The following HS3ST4 variants were observed in gnomAD, a reference collection of about 807,000 sequenced individuals.
The protein encoded by HS3ST4 is heparan sulfate-glucosamine 3-sulfotransferase 4.
A neutral mutation model predicts 29.2 loss-of-function variants in HS3ST4; 17 were observed. The ratio of observed to expected loss-of-function variants is 0.58; its 90% CI spans 0.40 to 0.87. HS3ST4 has a LOEUF of 0.87. Ranked by LOEUF, HS3ST4 falls within the 40% of genes least tolerant of loss-of-function variation. The pLI is 0.00. For synonymous variants in HS3ST4, 314 were observed against 285.7 expected (o/e 1.10, Z -1.00); for missense variants, 627 against 634.5 (o/e 0.99, Z 0.13).
At chr16:26,079,797 CGA>C (rs1898704351) in intron 1 of HS3ST4, among the ~76,000 whole-genome samples, 1 of 152,152 alleles carries the variant, frequency 6.6e-6, no homozygotes, top group South Asian at 2.1e-4. Flanking sequence ...TCTCTGTTCT[CGA>C]CTCTATTTCA....
intron 1 of HS3ST4, among the ~76,000 whole-genome samples, chr16:25,898,272 C>T (rs144247908): frequency 1.1e-3 from 165 of 152,372 alleles, no homozygotes; most frequent in African/African-American, 3.8e-3. Flanking sequence ...GCTAATGGCA[C>T]TCACATAGTT....
intron 1 of HS3ST4, among the ~76,000 whole-genome samples, chr16:25,959,224 G>A (rs1046448385): frequency 7.2e-5 from 11 of 152,198 alleles, no homozygotes; most frequent in African/African-American, 2.7e-4. Context: ...CGTTCCTCTT[G>A]AGGGGAGGAG....
chr16:25,866,953 C>T (rs1293808429), intron 1 of HS3ST4, among the ~76,000 whole-genome samples: 3 of 152,126 alleles, frequency 2.0e-5, no homozygotes, highest in East Asian at 1.9e-4. Flanking sequence ...CTCTATTTCA[C>T]GGGCCTCTCC....
intron 1 of HS3ST4, among the ~76,000 whole-genome samples, chr16:25,719,651 C>T (rs1966479794): frequency 6.6e-6 from 1 of 152,238 alleles, no homozygotes; most frequent in South Asian, 2.1e-4. Flanking sequence ...CAGTTCTGGG[C>T]ATCATATGCT....
rs1567249517 is a variant in HS3ST4 at position 25,828,300 on chromosome 16, C to CTT, written c.734+135149_734+135150insTT. Among the ~76,000 whole-genome samples, 206 of 56,798 alleles carry CTT rather than the reference C, an allele frequency of 3.6e-3. 6 individuals carry two copies. The highest frequency in any genetic ancestry group is 0.011 in the African/African-American group (143 of 12,482). 37.3% of individuals were successfully genotyped at this position (56,798 alleles called of 152,430 possible). On this transcript the variant is annotated intron_variant, in intron 1 of 1. Coordinates refer to ENST00000331351, the MANE Select transcript of HS3ST4 (RefSeq NM_006040.3). ...TCTTTCTTTCTTTCTTTCTTTCTTT[C>CTT]CCTCTCTCTCTCTCTCTCTCTCTCT...
intron 1 of HS3ST4, among the ~76,000 whole-genome samples, chr16:25,872,410 G>C (rs1467052511): frequency 2.0e-5 from 3 of 152,192 alleles, no homozygotes; most frequent in Non-Finnish European, 4.4e-5. Context: ...GCATGATTCT[G>C]TGCTGGTTGG....
At chr16:25,916,559 T>G (rs1287769627) in intron 1 of HS3ST4, among the ~76,000 whole-genome samples, 1 of 151,574 alleles carries the variant, frequency 6.6e-6, no homozygotes, top group Non-Finnish European at 1.5e-5. Flanking sequence ...ACAAGGTTTC[T>G]CCATGTTGGT....
chr16:26,132,220 A>C (rs1899429396), intron 1 of HS3ST4, among the ~76,000 whole-genome samples: 1 of 152,180 alleles, frequency 6.6e-6, no homozygotes, highest in Admixed American at 6.5e-5. Flanking sequence ...GAATGACTAT[A>C]ACTGATTCAG....
intron 1 of HS3ST4, among the ~76,000 whole-genome samples, chr16:25,713,041 GT>G (rs201221149): frequency 4.0e-4 from 60 of 151,504 alleles, no homozygotes; most frequent in East Asian, 7.8e-4. Context: ...TCATTTAAAT[GT>G]TTTTTTTAAT....
intron 1 of HS3ST4, among the ~76,000 whole-genome samples, chr16:25,943,945 G>A (rs74013106): frequency 0.032 from 4,809 of 151,880 alleles, 259 homozygotes; most frequent in African/African-American, 0.11. Flanking sequence ...ACTATAAATC[G>A]CTTTCAGATG....
intron 1 of HS3ST4, among the ~76,000 whole-genome samples, chr16:25,782,592 G>A (rs1439365395): frequency 6.6e-6 from 1 of 152,082 alleles, no homozygotes; most frequent in Non-Finnish European, 1.5e-5. Flanking sequence ...AATGTCTCTG[G>A]TGTCTCAGGA....
chr16:26,128,128 G>A (rs530716543), intron 1 of HS3ST4, among the ~76,000 whole-genome samples: 3 of 151,154 alleles, frequency 2.0e-5, no homozygotes, highest in South Asian at 4.2e-4. Context: ...CTCCTCTCTC[G>A]TAGGCATGTG....
chr16:25,955,187 A>G (rs1968718059), intron 1 of HS3ST4, among the ~76,000 whole-genome samples: 1 of 152,162 alleles, frequency 6.6e-6, no homozygotes. Context: ...AGAAAACCTT[A>G]TAGGTACCCT....
At chr16:25,962,209 G>A (rs1267647230) in intron 1 of HS3ST4, among the ~76,000 whole-genome samples, 1 of 152,122 alleles carries the variant, frequency 6.6e-6, no homozygotes, top group Non-Finnish European at 1.5e-5. Flanking sequence ...CAAATATCCA[G>A]GGAAAAGGAG....
intron 1 of HS3ST4, among the ~76,000 whole-genome samples, chr16:25,959,914 C>A (rs1968777806): frequency 6.6e-6 from 1 of 152,128 alleles, no homozygotes; most frequent in Non-Finnish European, 1.5e-5. Context: ...GTGTGTGGAT[C>A]ACCTGAGGTC....
chr16:25,982,707 G>C (rs1345665907), intron 1 of HS3ST4, among the ~76,000 whole-genome samples: 1 of 152,082 alleles, frequency 6.6e-6, no homozygotes, highest in Non-Finnish European at 1.5e-5. Context: ...GTGTGTGCCT[G>C]TAGTCCTAGC....
chr16:25,855,249 CAAA>C (rs1301665684), intron 1 of HS3ST4, among the ~76,000 whole-genome samples: 16 of 152,046 alleles, frequency 1.1e-4, no homozygotes, highest in African/African-American at 3.9e-4. Flanking sequence ...GTGTGGAAGT[CAAA>C]GTTCTTGTTA....
At chr16:25,760,137 AC>A (rs1163347425) in intron 1 of HS3ST4, among the ~76,000 whole-genome samples, 1 of 151,974 alleles carries the variant, frequency 6.6e-6, no homozygotes, top group Non-Finnish European at 1.5e-5. Flanking sequence ...CCTAACTCTA[AC>A]CCTAACCCTA....
intron 1 of HS3ST4, chr16:26,062,738 A>G: frequency 5.2e-6 from 1 of 193,014 alleles, no homozygotes. Context: ...CTATTTCAAT[A>G]GTGATCTATT....
Sources: allele counts gnomAD v4.1 joint callset (sites outside exome capture counted in the v4.1 genomes callset), GRCh38; gene constraint gnomAD v4.1.1; transcripts MANE v1.5; gene names NCBI Gene and HGNC (gene_info 2026-07-23, HGNC 2026-07-21).